The following DUS2 variants were observed in gnomAD, a reference collection of about 807,000 sequenced individuals.
DUS2 encodes tRNA-dihydrouridine(20) synthase [NAD(P)+]-like.
In DUS2, 52 loss-of-function variants were observed where a neutral mutation model predicts 71.3. The observed-to-expected ratio is 0.73, with a 90% CI of 0.58 to 0.92. DUS2 has a LOEUF of 0.92. Among genes scored for constraint, DUS2 ranks in the 40% least tolerant of loss-of-function variants. DUS2 has a pLI of 0.00. For synonymous variants in DUS2, 204 were observed against 227.8 expected (o/e 0.90, Z 0.94); for missense variants, 558 against 622.6 (o/e 0.90, Z 1.10).
chr16:68,076,913 C>CT (rs113367225), intron 15 of DUS2, among the ~76,000 whole-genome samples, 194 bp downstream of exon 15: 9,371 of 142,094 alleles, frequency 0.066, 968 homozygotes, highest in African/African-American at 0.23. Context: ...AGACATCTCT[C>CT]TTTTTTTTTT....
At chr16:68,045,058 G>A (rs1325989251) in intron 3 of DUS2, among the ~76,000 whole-genome samples, 1 of 152,142 alleles carries the variant, frequency 6.6e-6, no homozygotes. Flanking sequence ...CTCCCAAAGT[G>A]CTGGAATTAC....
chr16:68,026,177 G>A (rs141820755), intron 2 of DUS2, among the ~76,000 whole-genome samples: 1 of 152,236 alleles, frequency 6.6e-6, no homozygotes, highest in East Asian at 1.9e-4. Flanking sequence ...TTTTAGTAGA[G>A]ATGAGGTTTT....
chr16:68,045,630 A>G (rs950336188), intron 3 of DUS2, among the ~76,000 whole-genome samples: 24 of 150,900 alleles, frequency 1.6e-4, no homozygotes, highest in Non-Finnish European at 1.9e-4. Flanking sequence ...AAAAAACATC[A>G]TCTGCAAATA....
At position 68,037,908 on chromosome 16, in the gene DUS2, T is replaced by C; in HGVS notation, c.-18-98T>C. 3.3e-6 allele frequency: 4 copies of C among 1,216,064 alleles called. No individual in the cohort carries two copies. In the South Asian group the frequency reaches 4.3e-5, roughly 13 times the overall value. 75.3% of individuals were successfully genotyped at this position (1,216,064 alleles called of 1,614,324 possible). A position where few individuals can be genotyped will look rare whatever the true frequency, so the allele number is the denominator to read the frequency against. On this transcript the variant is annotated intron_variant, in intron 2 of 16. Coordinates refer to ENST00000565263, the MANE Select transcript of DUS2 (RefSeq NM_017803.5). The stretch of plus-strand genomic sequence containing the variant: ...CCAACCAAAAGAAAATGAAAACTAC[T>C]GTGTGCTGGAACCTTGAAGAAGGGA...
intron 5 of DUS2, among the ~76,000 whole-genome samples, chr16:68,054,218 TTGAA>T (rs886502386): frequency 3.9e-5 from 6 of 152,224 alleles, no homozygotes; most frequent in African/African-American, 1.4e-4. Context: ...TGGTGAGTGT[TTGAA>T]TGGTCACTAT....
rs760437072 is a variant in DUS2, at chr16:68,075,415, G to A, written c.993G>A (p.Gln331=). The A allele has an allele frequency of 1.9e-6, 3 of 1,613,888 alleles. No homozygotes were observed. Among genetic ancestry groups the A allele is most frequent in the Non-Finnish European group, 1.7e-6 (2 of 1,179,880 alleles). The change falls in exon 14 of 17, where the codon CAG becomes CAA. Residue 331 remains glutamine, a synonymous_variant. Coordinates refer to ENST00000565263, the MANE Select transcript of DUS2 (RefSeq NM_017803.5). ...EETTQELDAQ[Q]ARLSAKTSEQ... Reference sequence around the variant, plus strand: ...CCACACAGGAGCTGGATGCCCAGCAGGCCAGGCTCTCAGCCAAGACTTCAG... The same window carrying A: ...CCACACAGGAGCTGGATGCCCAGCAAGCCAGGCTCTCAGCCAAGACTTCAG...
chr16:68,027,264 G>C (rs2033365054), intron 2 of DUS2, among the ~76,000 whole-genome samples: 1 of 150,374 alleles, frequency 6.7e-6, no homozygotes, highest in African/African-American at 2.4e-5. Flanking sequence ...TGGAGATGGA[G>C]TTTTGCTCTT....
chr16:68,073,921 CT>C, intron 12 of DUS2, 112 bp from the exon 13 acceptor site: 1 of 1,376,624 alleles, frequency 7.3e-7, no homozygotes, highest in South Asian at 1.3e-5. Flanking sequence ...GTCACATTGC[CT>C]TGGCTACACA....
chr16:68,031,117 C>T (rs770542954), intron 2 of DUS2, among the ~76,000 whole-genome samples: 3 of 152,104 alleles, frequency 2.0e-5, no homozygotes, highest in Non-Finnish European at 2.9e-5. Context: ...ATGGCATCTC[C>T]ACCAGTGAAC....
At chr16:68,053,875 C>G in intron 5 of DUS2, 2 of 514,196 alleles carry the variant, frequency 3.9e-6, no homozygotes, top group East Asian at 6.1e-5. Context: ...TTATATGTCT[C>G]TAGTCTCAAA....
chr16:68,078,723 C>A (rs1174135649), intron 16 of DUS2, 26 bp from the exon 17 acceptor site: 1 of 1,587,880 alleles, frequency 6.3e-7, no homozygotes, highest in South Asian at 1.1e-5. Context: ...CCCTGCCCCT[C>A]ACCTTATTGC....
At chr16:68,056,545 A>C in intron 7 of DUS2, 121 bp downstream of exon 7, 1 of 750,534 alleles carries the variant, frequency 1.3e-6, no homozygotes, top group East Asian at 2.6e-5. Flanking sequence ...GAAAATGCTC[A>C]AAAAGATATC....
At chr16:68,055,993 G>C (rs1412391801) in intron 6 of DUS2, among the ~76,000 whole-genome samples, 1 of 151,964 alleles carries the variant, frequency 6.6e-6, no homozygotes, top group Non-Finnish European at 1.5e-5. Flanking sequence ...CTGTCGTCTG[G>C]CAAAGGGCTC....
rs979325418 is a variant in DUS2, at chr16:68,079,160, T to C, written c.*174T>C. ...GGACCAGGGGCCGCCCAGGGGTGGATCCTGGCCCCTTTGGTGGATCTGAGT... is the reference window on the plus strand; with the variant it reads ...GGACCAGGGGCCGCCCAGGGGTGGACCCTGGCCCCTTTGGTGGATCTGAGT... On this transcript the variant is annotated 3_prime_UTR_variant, in exon 17 of 17. Coordinates refer to ENST00000565263, the MANE Select transcript of DUS2 (RefSeq NM_017803.5). The C allele has an allele frequency of 4.2e-5, 22 of 521,594 alleles. No individual in the cohort carries two copies. In the East Asian group the frequency reaches 6.9e-4, roughly 16 times the overall value. 32.3% of individuals were successfully genotyped at this position (521,594 alleles called of 1,614,324 possible).
At chr16:68,076,872 CT>C (rs972930675) in intron 15 of DUS2, among the ~76,000 whole-genome samples, 153 bp downstream of exon 15, 1 of 151,778 alleles carries the variant, frequency 6.6e-6, no homozygotes, top group Non-Finnish European at 1.5e-5. Context: ...TAGCCCTCCC[CT>C]CTTACAGTGG....
intron 10 of DUS2, among the ~76,000 whole-genome samples, chr16:68,069,407 G>A (rs938097238): frequency 6.6e-6 from 1 of 152,144 alleles, no homozygotes; most frequent in Non-Finnish European, 1.5e-5. Context: ...AAGAACAAGA[G>A]TATAGCAGAG....
At chr16:68,065,329 C>A (rs1352552403) in intron 8 of DUS2, among the ~76,000 whole-genome samples, 2 of 151,486 alleles carry the variant, frequency 1.3e-5, no homozygotes, top group African/African-American at 4.9e-5. Flanking sequence ...TGGAACAACA[C>A]TTAGGGAACA....
At chr16:68,043,385 T>C (rs992086806) in intron 3 of DUS2, among the ~76,000 whole-genome samples, 2 of 149,980 alleles carry the variant, frequency 1.3e-5, no homozygotes, top group Non-Finnish European at 3.0e-5. Context: ...CAGCTCTGGG[T>C]GTCAGAGCAA....
At chr16:68,047,325 A>G (rs1165403500) in intron 3 of DUS2, among the ~76,000 whole-genome samples, 1 of 151,932 alleles carries the variant, frequency 6.6e-6, no homozygotes, top group Admixed American at 6.6e-5. Flanking sequence ...AAGTGCTGGG[A>G]TTACAGGCGT....
Sources: allele counts gnomAD v4.1 joint callset (sites outside exome capture counted in the v4.1 genomes callset), GRCh38; gene constraint gnomAD v4.1.1; transcripts MANE v1.5; gene names NCBI Gene and HGNC (gene_info 2026-07-23, HGNC 2026-07-21).